The following HS3ST4 variants were observed in gnomAD, a reference collection of about 807,000 sequenced individuals.
The protein encoded by HS3ST4 is heparan sulfate-glucosamine 3-sulfotransferase 4.
A neutral mutation model predicts 29.2 loss-of-function variants in HS3ST4; 17 were observed. The ratio of observed to expected loss-of-function variants is 0.58; its 90% CI spans 0.40 to 0.87. The LOEUF (loss-of-function observed/expected upper bound fraction) is 0.87. Ranked by LOEUF, HS3ST4 falls within the 40% of genes least tolerant of loss-of-function variation. The pLI is 0.00. For missense variants in HS3ST4, 627 were observed against 634.5 expected (o/e 0.99, Z 0.13); for synonymous variants, 314 against 285.7 (o/e 1.10, Z -1.00).
chr16:25,829,995 T>C (rs886530061), intron 1 of HS3ST4, among the ~76,000 whole-genome samples: 11 of 151,910 alleles, frequency 7.2e-5, no homozygotes, highest in African/African-American at 2.7e-4. Flanking sequence ...GGCTAATTTT[T>C]TGGATTTTAA....
chr16:25,726,658 GA>G (rs1966537044), intron 1 of HS3ST4, among the ~76,000 whole-genome samples: 1 of 152,096 alleles, frequency 6.6e-6, no homozygotes, highest in African/African-American at 2.4e-5. Flanking sequence ...CCTCACATAT[GA>G]AAACCATATT....
chr16:25,857,911 C>CTTTCTTTCTTTCTTT (rs1567257053), intron 1 of HS3ST4, among the ~76,000 whole-genome samples: 2 of 73,222 alleles, frequency 2.7e-5, no homozygotes, highest in Non-Finnish European at 5.6e-5. Context: ...TTCCTTCCTT[C>CTTTCTTTCTTTCTTT]CTTCCTTCCT....
At chr16:25,864,080 T>C (rs1348087419) in intron 1 of HS3ST4, among the ~76,000 whole-genome samples, 6 of 152,216 alleles carry the variant, frequency 3.9e-5, no homozygotes, top group African/African-American at 1.4e-4. Context: ...GTGTGTGTCC[T>C]GATCTCCTCT....
chr16:25,828,301 C>CCCTCT (rs1967253350), intron 1 of HS3ST4, among the ~76,000 whole-genome samples: 4 of 32,886 alleles, frequency 1.2e-4, no homozygotes, highest in Non-Finnish European at 1.6e-4. Flanking sequence ...TCTTTCTTTC[C>CCCTCT]CTCTCTCTCT....
intron 1 of HS3ST4, among the ~76,000 whole-genome samples, chr16:25,905,873 G>A (rs1031057752): frequency 6.6e-6 from 1 of 152,142 alleles, no homozygotes; most frequent in African/African-American, 2.4e-5. Flanking sequence ...GTATCTTTGC[G>A]CATCAGGGCA....
At chr16:25,844,910 A>G (rs1884794956) in intron 1 of HS3ST4, among the ~76,000 whole-genome samples, 1 of 152,222 alleles carries the variant, frequency 6.6e-6, no homozygotes, top group African/African-American at 2.4e-5. Flanking sequence ...ACATGGATGA[A>G]GGTGAAAGCC....
At chr16:25,790,993 C>T (rs1407190513) in intron 1 of HS3ST4, among the ~76,000 whole-genome samples, 1 of 151,976 alleles carries the variant, frequency 6.6e-6, no homozygotes, top group Non-Finnish European at 1.5e-5. Flanking sequence ...AAAATATTCT[C>T]CTTTTTCTTC....
At chr16:25,881,602 C>T (rs1043795465) in intron 1 of HS3ST4, among the ~76,000 whole-genome samples, 7 of 152,120 alleles carry the variant, frequency 4.6e-5, no homozygotes, top group Admixed American at 1.3e-4. Context: ...TGGTGTTTGG[C>T]ATGCAGACAG....
chr16:25,861,934 A>G, intron 1 of HS3ST4, among the ~76,000 whole-genome samples: 1 of 151,994 alleles, frequency 6.6e-6, no homozygotes, highest in East Asian at 1.9e-4. Flanking sequence ...TAGTTTGTTC[A>G]TTTTCCATGT....
At chr16:25,824,499 A>G (rs1231343519) in intron 1 of HS3ST4, among the ~76,000 whole-genome samples, 1 of 152,218 alleles carries the variant, frequency 6.6e-6, no homozygotes, top group African/African-American at 2.4e-5. Flanking sequence ...AGCAGGCAAG[A>G]GAGCTTGTGC....
At chr16:25,717,551 G>A (rs1596551818) in intron 1 of HS3ST4, among the ~76,000 whole-genome samples, 2 of 138,076 alleles carry the variant, frequency 1.4e-5, no homozygotes, top group Admixed American at 1.4e-4. Context: ...GTGTGTGTGT[G>A]TGTTTGGCAA....
chr16:25,802,969 ATT>A (rs1567243228), intron 1 of HS3ST4, among the ~76,000 whole-genome samples: 1 of 148,598 alleles, frequency 6.7e-6, no homozygotes. Flanking sequence ...GTGTGTATAT[ATT>A]TCTTTCTCTG....
intron 1 of HS3ST4, among the ~76,000 whole-genome samples, chr16:25,761,130 G>T (rs1290305929): frequency 1.3e-5 from 2 of 152,200 alleles, no homozygotes; most frequent in African/African-American, 4.8e-5. Flanking sequence ...TGAGGCTCAG[G>T]TCTTGGGGAC....
chr16:25,889,324 G>A (rs1967984795), intron 1 of HS3ST4, among the ~76,000 whole-genome samples: 1 of 152,194 alleles, frequency 6.6e-6, no homozygotes, highest in African/African-American at 2.4e-5. Flanking sequence ...TGGAGAACAA[G>A]AAAGTCGGGG....
intron 1 of HS3ST4, among the ~76,000 whole-genome samples, chr16:26,033,226 T>C (rs149137487): frequency 2.0e-5 from 3 of 151,934 alleles, no homozygotes; most frequent in African/African-American, 7.2e-5. Context: ...ACAAAATGTA[T>C]ATTAGCAGGC....
chr16:25,863,314 C>T (rs1044620469), intron 1 of HS3ST4, among the ~76,000 whole-genome samples: 3 of 152,120 alleles, frequency 2.0e-5, no homozygotes, highest in African/African-American at 7.2e-5. Context: ...ATCTCTTGAC[C>T]TCCTGATCTG....
At chr16:25,864,918 CA>C (rs1967677904) in intron 1 of HS3ST4, among the ~76,000 whole-genome samples, 1 of 148,984 alleles carries the variant, frequency 6.7e-6, no homozygotes, top group Non-Finnish European at 1.5e-5. Flanking sequence ...TACACACACA[CA>C]ATGGAATATT....
chr16:25,871,813 C>T (rs951151495), intron 1 of HS3ST4, among the ~76,000 whole-genome samples: 5 of 152,088 alleles, frequency 3.3e-5, no homozygotes, highest in African/African-American at 1.2e-4. Flanking sequence ...GGTAAAGGTC[C>T]TGGATCAGGC....
intron 1 of HS3ST4, among the ~76,000 whole-genome samples, chr16:25,789,691 C>G (rs1385236489): frequency 6.6e-6 from 1 of 152,038 alleles, no homozygotes; most frequent in Non-Finnish European, 1.5e-5. Flanking sequence ...ATGTAGTCAC[C>G]ACCTAGATCC....
Sources: allele counts gnomAD v4.1 joint callset (sites outside exome capture counted in the v4.1 genomes callset), GRCh38; gene constraint gnomAD v4.1.1; transcripts MANE v1.5; gene names NCBI Gene and HGNC (gene_info 2026-07-23, HGNC 2026-07-21).